Variants in KIF16B observed in about 807,000 individuals in gnomAD.
KIF16B encodes the protein kinesin-like protein KIF16B.
A neutral mutation model predicts 156.3 loss-of-function variants in KIF16B; 98 were observed. The ratio of observed to expected loss-of-function variants is 0.63; its 90% CI spans 0.53 to 0.74. KIF16B has a LOEUF of 0.74. KIF16B is among the 30% of genes least tolerant of loss of function. KIF16B has a pLI of 0.00. For synonymous variants in KIF16B, 564 were observed against 583.7 expected, an observed-to-expected ratio of 0.97 and a Z score of 0.49; for missense variants, 1,421 against 1,606.5, an observed-to-expected ratio of 0.88 and a Z score of 1.97.
rs549708653 is a variant in KIF16B, at chr20:16,396,648, C to CTTCT, written c.1784+8164_1784+8165insAGAA. 2.3e-4 allele frequency among the ~76,000 whole-genome samples: 29 copies of CTTCT among 124,664 alleles called. 1 individual carries two copies. The highest frequency in any genetic ancestry group is 2.1e-3 in the South Asian group (8 of 3,740). The allele number at this position is 124,664 out of a possible 152,430, so 81.8% of individuals were successfully genotyped here. A position where few individuals can be genotyped will look rare whatever the true frequency, so the allele number is the denominator to read the frequency against. Reference sequence around the variant, plus strand: ...TATGGTAACATGTTAACTGTAGTCGCTTTTTTTTTTTTTTTTTGCTTATGA... The same window carrying CTTCT: ...TATGGTAACATGTTAACTGTAGTCGCTTCTTTTTTTTTTTTTTTTTTGCTTATGA... On this transcript the variant is annotated intron_variant, in intron 17 of 25. Transcript: ENST00000354981.
chr20:16,518,913 C>A (rs2147100816), intron 3 of KIF16B, among the ~76,000 whole-genome samples: 1 of 152,226 alleles, frequency 6.6e-6, no homozygotes, highest in African/African-American at 2.4e-5. Flanking sequence ...TGTGCCTGAT[C>A]CATCTGTCAT....
chr20:16,345,855 T>G (rs573221784), intron 23 of KIF16B, among the ~76,000 whole-genome samples: 1 of 152,162 alleles, frequency 6.6e-6, no homozygotes, highest in Non-Finnish European at 1.5e-5. Flanking sequence ...AACACAATAG[T>G]CTAATGGGGT....
chr20:16,292,075 T>A (rs1344960428), intron 25 of KIF16B, among the ~76,000 whole-genome samples: 1 of 152,214 alleles, frequency 6.6e-6, no homozygotes, highest in Non-Finnish European at 1.5e-5. Flanking sequence ...TGAGTTTAAT[T>A]TTACTTATAA....
Position 16,272,229 on chromosome 20 carries a change from A to G in KIF16B, c.*1024T>C, listed in dbSNP as rs935916875. On this transcript the variant is annotated 3_prime_UTR_variant, in exon 26 of 26. Coordinates refer to ENST00000354981, the MANE Select transcript of KIF16B (RefSeq NM_024704.5). ...TGGAACTACTGTACAGAATGTATAC[A>G]TATATAAATCTATAGATAGAATTAT... 1.3e-5 allele frequency: 2 copies of G among 152,672 alleles called. No individual in the cohort carries two copies. The highest frequency in any genetic ancestry group is 2.9e-5 in the Non-Finnish European group (2 of 68,038). The allele number at this position is 152,672 out of a possible 1,614,324, so 9.5% of individuals were successfully genotyped here.
chr20:16,470,099 G>A (rs1381065512), intron 12 of KIF16B, among the ~76,000 whole-genome samples: 2 of 152,082 alleles, frequency 1.3e-5, no homozygotes, highest in Non-Finnish European at 2.9e-5. Context: ...AGGCTCATAT[G>A]GTATGATTCC....
chr20:16,449,808 G>GACACACACACACACACACACAC (rs1442238241), intron 12 of KIF16B, among the ~76,000 whole-genome samples: 2 of 152,184 alleles, frequency 1.3e-5, no homozygotes, highest in African/African-American at 4.8e-5. Flanking sequence ...TAGTTGCTAA[G>GACACACACACACACACACACAC]ACAGAGCCAC....
At chr20:16,307,514 T>C (rs1482577825) in intron 25 of KIF16B, among the ~76,000 whole-genome samples, 2 of 152,168 alleles carry the variant, frequency 1.3e-5, no homozygotes, top group South Asian at 2.1e-4. Context: ...ACATAGCTTT[T>C]GATACATGTA....
chr20:16,305,042 T>C (rs529276831), intron 25 of KIF16B, among the ~76,000 whole-genome samples: 2 of 152,294 alleles, frequency 1.3e-5, no homozygotes, highest in East Asian at 3.9e-4. Context: ...TCATTTGAAC[T>C]ACCGAGACTT....
At chr20:16,356,502 C>T in intron 22 of KIF16B, 50 bp from the exon 23 acceptor site, 1 of 1,607,872 alleles carries the variant, frequency 6.2e-7, no homozygotes, top group Non-Finnish European at 8.5e-7. Context: ...CAGAATCACT[C>T]CACTGCAAAT....
intron 12 of KIF16B, among the ~76,000 whole-genome samples, chr20:16,441,295 C>T (rs2066794259): frequency 1.3e-5 from 2 of 152,128 alleles, no homozygotes; most frequent in Non-Finnish European, 1.5e-5. Flanking sequence ...ACGTCATGCT[C>T]ATCTTCACCC....
chr20:16,538,740 A>G (rs955699300), intron 1 of KIF16B, among the ~76,000 whole-genome samples: 1 of 152,210 alleles, frequency 6.6e-6, no homozygotes, highest in African/African-American at 2.4e-5. Context: ...TTGTCCCCAC[A>G]CAAATCTCAT....
At chr20:16,512,121 T>C (rs561020354) in intron 5 of KIF16B, among the ~76,000 whole-genome samples, 1 of 151,834 alleles carries the variant, frequency 6.6e-6, no homozygotes, top group Non-Finnish European at 1.5e-5. Flanking sequence ...CACCCCAGCC[T>C]GGGTGACAGA....
intron 23 of KIF16B, among the ~76,000 whole-genome samples, chr20:16,355,711 A>C (rs917412226): frequency 9.2e-5 from 14 of 152,254 alleles, no homozygotes; most frequent in African/African-American, 3.4e-4. Flanking sequence ...GTCATTATTT[A>C]GAAAACCATG....
At chr20:16,507,924 G>A in intron 7 of KIF16B, 34 bp downstream of exon 7, 1 of 1,613,000 alleles carries the variant, frequency 6.2e-7, no homozygotes, top group African/African-American at 1.3e-5. Context: ...AAGACCTCAG[G>A]GATGGAGCCA....
Position 16,409,964 on chromosome 20 carries a change from TATATAC to T in KIF16B, c.1613-3514_1613-3509del, listed in dbSNP as rs1282873207. ...ACTTACCTACATATATATATATATA[TATATAC>T]ATATATATATATATATATATATGTA... On this transcript the variant is annotated intron_variant, in intron 15 of 25. Transcript: ENST00000354981. 7.7e-3 allele frequency among the ~76,000 whole-genome samples: 239 copies of T among 31,048 alleles called. 16 individuals carry two copies. The highest frequency in any genetic ancestry group is 0.024 in the African/African-American group (174 of 7,110). The allele number at this position is 31,048 out of a possible 152,430, so 20.4% of individuals were successfully genotyped here.
rs562055984 is a variant in KIF16B, at chr20:16,463,127, T to C, written c.1302+31164A>G. On this transcript the variant is annotated intron_variant, in intron 12 of 25. Transcript: ENST00000354981. ...AAGCTCATCTATAAAACCAACCGCA[T>C]CTCGCTGTGAACCTAAAAGACCTGC... is the stretch of plus-strand genomic sequence containing the variant. 1.3e-3 allele frequency among the ~76,000 whole-genome samples: 198 copies of C among 152,256 alleles called. 2 individuals carry two copies. Among genetic ancestry groups the C allele is most frequent in the African/African-American group, 4.3e-3 (177 of 41,556 alleles).
chr20:16,345,302 C>G (rs2123051719), intron 23 of KIF16B, among the ~76,000 whole-genome samples: 1 of 152,296 alleles, frequency 6.6e-6, no homozygotes, highest in East Asian at 1.9e-4. Flanking sequence ...CTACTATGGT[C>G]TTTAAAAAAA....
intron 12 of KIF16B, among the ~76,000 whole-genome samples, chr20:16,451,129 C>A (rs1468995613): frequency 6.6e-6 from 1 of 152,148 alleles, no homozygotes. Context: ...ATAGAATGTA[C>A]GTCTGGAAAA....
chr20:16,502,061 A>G (rs1161060834), intron 10 of KIF16B, among the ~76,000 whole-genome samples: 2 of 152,226 alleles, frequency 1.3e-5, no homozygotes, highest in East Asian at 3.8e-4. Context: ...CTAGATCTAC[A>G]TAGTAGAAGA....
Sources: gnomAD v4.1 joint callset for allele counts (sites outside exome capture counted in the v4.1 genomes callset) on GRCh38, gnomAD v4.1.1 for gene constraint, MANE v1.5 for transcripts, NCBI Gene and HGNC (gene_info 2026-07-23, HGNC 2026-07-21) for gene names.